Variants in XPNPEP3 observed in about 807,000 individuals in gnomAD.
XPNPEP3 encodes the protein xaa-Pro aminopeptidase 3.
In XPNPEP3, 41 loss-of-function variants were observed where a neutral mutation model predicts 60.0. That is an observed-to-expected ratio of 0.68 (90% CI 0.53 to 0.89). XPNPEP3 has a LOEUF of 0.89. XPNPEP3 is among the 40% of genes least tolerant of loss of function. The probability of loss-of-function intolerance (pLI) is 0.00; values close to 1 mark genes in which losing one functional copy is unlikely to be tolerated. For synonymous variants in XPNPEP3, 212 were observed against 223.2 expected (o/e 0.95, Z 0.45); for missense variants, 598 against 638.9 (o/e 0.94, Z 0.69).
At chr22:40,866,484 T>C (rs2057979325) in intron 1 of XPNPEP3, among the ~76,000 whole-genome samples, 1 of 152,076 alleles carries the variant, frequency 6.6e-6, no homozygotes, top group Non-Finnish European at 1.5e-5. Flanking sequence ...GTGTCCACTT[T>C]AGACTAAGAG....
At chr22:40,911,416 G>C (rs1413738812) in intron 6 of XPNPEP3, among the ~76,000 whole-genome samples, 1 of 151,950 alleles carries the variant, frequency 6.6e-6, no homozygotes, top group Non-Finnish European at 1.5e-5. Flanking sequence ...GGAATGACTT[G>C]AATTAATGTT....
At chr22:40,862,205 G>A (rs1006349553) in intron 1 of XPNPEP3, 53 of 1,350,070 alleles carry the variant, frequency 3.9e-5, no homozygotes, top group Non-Finnish European at 5.0e-5. Context: ...CTGCATTATG[G>A]TGTCATTCTG....
At chr22:40,892,346 A>C (rs1276097216) in intron 4 of XPNPEP3, among the ~76,000 whole-genome samples, 9 of 152,036 alleles carry the variant, frequency 5.9e-5, no homozygotes, top group Non-Finnish European at 1.0e-4. Context: ...TACCAGGCCC[A>C]GCTAACGTTT....
intron 1 of XPNPEP3, chr22:40,861,710 A>G (rs763277427): frequency 6.2e-7 from 1 of 1,614,106 alleles, no homozygotes; most frequent in Non-Finnish European, 8.5e-7. Flanking sequence ...CTTTAAAAAC[A>G]TCATCTGGCT....
intron 1 of XPNPEP3, 72 bp from the exon 2 acceptor site, chr22:40,868,927 G>C (rs2057992235): frequency 5.1e-6 from 6 of 1,185,398 alleles, no homozygotes; most frequent in Non-Finnish European, 7.6e-6. Flanking sequence ...AACTGCTAGA[G>C]ATAAGTGTAT....
At position 40,907,610 on chromosome 22, in the gene XPNPEP3, C is replaced by T; in HGVS notation, c.816C>T (p.Thr272=). The T allele has an allele frequency of 6.2e-7, 1 of 1,614,022 alleles. No individual in the cohort carries two copies. Among genetic ancestry groups the T allele is most frequent in the East Asian group, 2.2e-5 (1 of 44,866 alleles). ...TSQAFIETMF[T]SKAPVEEAFL... ...AGGCTTTCATAGAAACCATGTTCACCAGTAAAGCCCCTGTGGAAGAAGCCT... is the reference window on the plus strand; with the variant it reads ...AGGCTTTCATAGAAACCATGTTCACTAGTAAAGCCCCTGTGGAAGAAGCCT... The change falls in exon 5 of 10, where the codon ACC becomes ACT. Residue 272 remains threonine, a synonymous_variant. Transcript: ENST00000357137.
chr22:40,900,246 T>G (rs1414806724), intron 4 of XPNPEP3, among the ~76,000 whole-genome samples: 1 of 150,160 alleles, frequency 6.7e-6, no homozygotes, highest in Non-Finnish European at 1.5e-5. Context: ...TTAGAATTTA[T>G]CAATGTTTAA....
At position 40,884,754 on chromosome 22, in the gene XPNPEP3, A is replaced by G. The variant is rs1469644133; in HGVS notation, c.590-1559A>G. Among the ~76,000 whole-genome samples the G allele has an allele frequency of 5.3e-5, 8 of 150,532 alleles. No homozygotes were observed. The Admixed American group carries it at 5.3e-4, about 10-fold the overall frequency. On this transcript the variant is annotated intron_variant, in intron 3 of 9. Transcript: ENST00000357137. ...AAAATTACAACAATTGGCCGGGTGC[A>G]GTGGCTCACGCCTGTAATCCCAGCA... is the stretch of plus-strand genomic sequence containing the variant.
chr22:40,877,530 G>A (rs530063894), intron 2 of XPNPEP3, among the ~76,000 whole-genome samples: 1 of 152,266 alleles, frequency 6.6e-6, no homozygotes, highest in South Asian at 2.1e-4. Flanking sequence ...TCTTCGAGAG[G>A]CATGATCTTA....
At chr22:40,870,341 A>C (rs1272368406) in intron 2 of XPNPEP3, 1 of 244,664 alleles carries the variant, frequency 4.1e-6, no homozygotes, top group Non-Finnish European at 8.3e-6. Flanking sequence ...TGTCAAGATA[A>C]TGGCCTCTGT....
In XPNPEP3 at chr22:40,915,297, A is replaced by G. The variant is rs952396304; in HGVS notation, c.1055+973A>G. Among the ~76,000 whole-genome samples the G allele has an allele frequency of 3.3e-5, 5 of 152,256 alleles. No individual in the cohort carries two copies. In the East Asian group the frequency reaches 9.6e-4, roughly 29 times the overall value. ...CATTCTTAAAAAACTATAATGGGCC[A>G]GGCCTGGTGGCTCATACCTGTAATC... On this transcript the variant is annotated intron_variant, in intron 7 of 9. Transcript: ENST00000357137.
At chr22:40,886,261 C>G (rs2058068130) in intron 3 of XPNPEP3, 52 bp from the exon 4 acceptor site, 3 of 1,574,806 alleles carry the variant, frequency 1.9e-6, no homozygotes. Context: ...GTTGATATTT[C>G]TTGTTGCTGG....
At chr22:40,871,569 A>AT (rs1000407057) in intron 2 of XPNPEP3, among the ~76,000 whole-genome samples, 27 of 150,764 alleles carry the variant, frequency 1.8e-4, no homozygotes, top group South Asian at 6.3e-4. Flanking sequence ...GTAAGCATAG[A>AT]TTTTTTTTTT....
At chr22:40,903,589 C>T (rs955703715) in intron 4 of XPNPEP3, among the ~76,000 whole-genome samples, 3 of 151,792 alleles carry the variant, frequency 2.0e-5, no homozygotes, top group African/African-American at 7.3e-5. Context: ...CTCCCGGGTT[C>T]AAGCAATTCT....
chr22:40,929,097 C>T lies in XPNPEP3; in HGVS notation c.*2662C>T, dbSNP rs995526269. 2.0e-5 allele frequency: 3 copies of T among 152,170 alleles called. No homozygotes were observed. The highest frequency in any genetic ancestry group is 4.8e-5 in the African/African-American group (2 of 41,442). 9.4% of individuals were successfully genotyped at this position (152,170 alleles called of 1,614,324 possible). On this transcript the variant is annotated 3_prime_UTR_variant, in exon 10 of 10. Transcript: ENST00000357137. The stretch of plus-strand genomic sequence containing the variant: ...TGCTCACTTCCCAGGCTCTGTGCCC[C>T]CAACAGCCCTTTCCTTGGATTGTGT...
chr22:40,861,587 G>C, intron 1 of XPNPEP3: 11 of 1,613,266 alleles, frequency 6.8e-6, no homozygotes, highest in Non-Finnish European at 9.3e-6. Context: ...TGGAGAAAAA[G>C]TATCCTGCAT....
chr22:40,883,099 C>G (rs1190417009), intron 3 of XPNPEP3, among the ~76,000 whole-genome samples: 2 of 152,172 alleles, frequency 1.3e-5, no homozygotes, highest in African/African-American at 2.4e-5. Context: ...ATGGACCACT[C>G]TTCAAGATTA....
rs778161054 is a variant in XPNPEP3 at position 40,922,522 on chromosome 22, C to T, written c.1236+9C>T. 6 of 1,613,462 alleles carry T rather than the reference C, an allele frequency of 3.7e-6. No homozygotes were observed. The East Asian group carries it at 1.3e-4, about 36-fold the overall frequency. On this transcript the variant is annotated intron_variant, in intron 8 of 9. Transcript: ENST00000357137. ...AAAATAATGCCTTCAAGGTACTTCA[C>T]TTCTCTTGACCCCAGTTCTCAAGAA...
At chr22:40,868,856 TAAATG>T in intron 1 of XPNPEP3, 138 bp from the exon 2 acceptor site, 1 of 681,278 alleles carries the variant, frequency 1.5e-6, no homozygotes, top group East Asian at 2.9e-5. Context: ...AAAAAAAAAA[TAAATG>T]AATATTGAAG....
Sources: allele counts gnomAD v4.1 joint callset (sites outside exome capture counted in the v4.1 genomes callset), GRCh38; gene constraint gnomAD v4.1.1; transcripts MANE v1.5; gene names NCBI Gene and HGNC (gene_info 2026-07-23, HGNC 2026-07-21).